The following TTLL5 variants were observed in gnomAD, a reference collection of about 807,000 sequenced individuals.
TTLL5 encodes tubulin polyglutamylase TTLL5.
TTLL5 carries 132 observed loss-of-function variants against 168.4 expected under a neutral mutation model. The ratio of observed to expected loss-of-function variants is 0.78; its 90% CI spans 0.68 to 0.91. The LOEUF is 0.91. TTLL5 is among the 40% of genes least tolerant of loss of function. The probability of loss-of-function intolerance (pLI) is 0.00; values close to 1 mark genes in which losing one functional copy is unlikely to be tolerated. For synonymous variants in TTLL5, 546 were observed against 558.6 expected (o/e 0.98, Z 0.32); for missense variants, 1,545 against 1,581.5 (o/e 0.98, Z 0.39).
At chr14:75,776,508 CATG>C in intron 22 of TTLL5, among the ~76,000 whole-genome samples, 1 of 152,266 alleles carries the variant, frequency 6.6e-6, no homozygotes, top group South Asian at 2.1e-4. Context: ...AAAGTAAAAA[CATG>C]ATTAAAATTT....
chr14:75,928,167 C>G (rs1004439389), intron 31 of TTLL5, among the ~76,000 whole-genome samples: 3 of 151,788 alleles, frequency 2.0e-5, no homozygotes, highest in Non-Finnish European at 4.4e-5. Flanking sequence ...CCACTGACCT[C>G]CTCTGAGATC....
Position 75,917,173 on chromosome 14 carries a change from T to C in TTLL5, c.3823+14949T>C, listed in dbSNP as rs1030156859. ...AACTGTACACTTGAAATTGTTAGGA[T>C]GGTAAAGTTTATGTTACATGTATTT... is the stretch of plus-strand genomic sequence containing the variant. On this transcript the variant is annotated intron_variant, in intron 31 of 31. Coordinates refer to ENST00000298832, the MANE Select transcript of TTLL5 (RefSeq NM_015072.5). 4.6e-5 allele frequency among the ~76,000 whole-genome samples: 7 copies of C among 152,218 alleles called. No individual in the cohort carries two copies. In the East Asian group the frequency reaches 1.3e-3, roughly 29 times the overall value.
intron 3 of TTLL5, among the ~76,000 whole-genome samples, chr14:75,674,752 C>G (rs920392373): frequency 2.0e-5 from 3 of 151,996 alleles, no homozygotes; most frequent in African/African-American, 7.2e-5. Flanking sequence ...TTTGTATATA[C>G]TAGCAATAGA....
intron 30 of TTLL5, among the ~76,000 whole-genome samples, chr14:75,899,847 GC>G (rs1424195973): frequency 1.3e-5 from 2 of 151,976 alleles, no homozygotes; most frequent in Non-Finnish European, 2.9e-5. Context: ...TTGAGTCTAA[GC>G]CCCCAGGGAC....
chr14:75,811,120 T>C (rs1205317081), intron 27 of TTLL5, among the ~76,000 whole-genome samples: 3 of 47,398 alleles, frequency 6.3e-5, no homozygotes, highest in African/African-American at 2.8e-4. Context: ...GAGGGAGAAA[T>C]AGAGGGGGTG....
intron 12 of TTLL5, among the ~76,000 whole-genome samples, chr14:75,732,000 CT>C (rs762598685): frequency 2.6e-3 from 337 of 129,562 alleles, no homozygotes; most frequent in Non-Finnish European, 2.5e-3. Context: ...TTCCCCGCCT[CT>C]TTTTTTTTTT....
At chr14:75,917,572 G>A (rs542260272) in intron 31 of TTLL5, among the ~76,000 whole-genome samples, 4 of 152,322 alleles carry the variant, frequency 2.6e-5, no homozygotes, top group African/African-American at 9.6e-5. Context: ...AGTTTAGGCT[G>A]GCTGTCTCTT....
rs892586302 is a variant in TTLL5 at position 75,779,594 on chromosome 14, G to A, written c.2407G>A (p.Val803Met). 3 of 1,613,612 alleles carry A rather than the reference G, an allele frequency of 1.9e-6. No homozygotes were observed. Among genetic ancestry groups the A allele is most frequent in the Non-Finnish European group, 2.5e-6 (3 of 1,179,784 alleles). Residue 803 changes from valine (V) to methionine (M), a missense_variant, in exon 24 of 32, where the codon GTG becomes ATG. By Grantham distance (21) the Val-to-Met change is conservative. Coordinates refer to ENST00000298832, the MANE Select transcript of TTLL5 (RefSeq NM_015072.5). ...RQASEAELEE[V>M]LTFYTQKNKS... is the part of the protein sequence containing the mutation. ...TTTCAGTGAGGCTGAACTGGAGGAG[G>A]TGTTGACTTTTTATACCCAAAAGAA...
intron 26 of TTLL5, among the ~76,000 whole-genome samples, chr14:75,785,204 C>T (rs566008494): frequency 0.015 from 1,712 of 110,500 alleles, 15 homozygotes; most frequent in Middle Eastern, 0.045. Context: ...TTTTTTGAGA[C>T]GGATTGTTGC....
intron 3 of TTLL5, among the ~76,000 whole-genome samples, chr14:75,681,246 G>T (rs1884588333): frequency 6.6e-6 from 1 of 151,952 alleles, no homozygotes; most frequent in Non-Finnish European, 1.5e-5. Context: ...TTAGTGGCAG[G>T]GTCACAGATA....
chr14:75,704,784 C>T (rs752449931), intron 7 of TTLL5, among the ~76,000 whole-genome samples: 5 of 152,068 alleles, frequency 3.3e-5, no homozygotes, highest in South Asian at 2.1e-4. Context: ...ATTCCCAATG[C>T]GGATAGAAGT....
rs376333555 is a variant in TTLL5 at position 75,853,126 on chromosome 14, T to A, written c.3327-10541T>A. On this transcript the variant is annotated intron_variant, in intron 28 of 31. Transcript: ENST00000298832. ...CTACATTTGACTTTTATTATCAATATATCATCAAGCTTACTTTCAGAGCCA... is the reference window on the plus strand; with the variant it reads ...CTACATTTGACTTTTATTATCAATAAATCATCAAGCTTACTTTCAGAGCCA... Among the ~76,000 whole-genome samples the A allele has an allele frequency of 4.6e-5, 7 of 152,356 alleles. No individual in the cohort carries two copies. The East Asian group carries it at 1.3e-3, about 29-fold the overall frequency.
Position 75,764,698 on chromosome 14 carries a change from A to T in TTLL5, c.1634A>T (p.Lys545Met), listed in dbSNP as rs1464081739. Residue 545 changes from lysine (K) to methionine (M), a missense_variant, in exon 19 of 32, where the codon AAG (lysine) becomes ATG (methionine). Transcript: ENST00000298832. The part of the protein sequence containing the change: ...AKLHAALYER[K>M]LLSLEVRKRR... ...CTGCATGCTGCACTTTACGAGAGGA[A>T]GCTCCTGTCTCTGGAGGTGCGAAAA... is the stretch of plus-strand genomic sequence containing the variant. 10 of 1,614,178 alleles carry T rather than the reference A, an allele frequency of 6.2e-6. No individual in the cohort carries two copies. Among genetic ancestry groups the T allele is most frequent in the Non-Finnish European group, 8.5e-6 (10 of 1,180,012 alleles).
chr14:75,777,568 T>C (rs1346816004), intron 23 of TTLL5, among the ~76,000 whole-genome samples: 1 of 152,184 alleles, frequency 6.6e-6, no homozygotes, highest in African/African-American at 2.4e-5. Flanking sequence ...GGCACTTAAT[T>C]TTAAATCTTG....
intron 28 of TTLL5, among the ~76,000 whole-genome samples, chr14:75,837,796 A>G (rs1015928155): frequency 2.6e-4 from 39 of 152,180 alleles, no homozygotes; most frequent in African/African-American, 9.4e-4. Context: ...AGGCTGAATA[A>G]TATAAAATAT....
intron 30 of TTLL5, chr14:75,886,706 C>T (rs752467492): frequency 6.3e-7 from 1 of 1,598,020 alleles, no homozygotes; most frequent in South Asian, 1.1e-5. Context: ...TTAGTACCCG[C>T]TTCAGATCCT....
At chr14:75,831,778 T>G (rs886961179) in intron 28 of TTLL5, among the ~76,000 whole-genome samples, 6 of 152,198 alleles carry the variant, frequency 3.9e-5, no homozygotes, top group Admixed American at 3.9e-4. Context: ...CATTTTTTCT[T>G]TACTGTGTGT....
intron 7 of TTLL5, among the ~76,000 whole-genome samples, chr14:75,700,593 A>G (rs970272363): frequency 1.3e-5 from 2 of 152,208 alleles, no homozygotes; most frequent in African/African-American, 2.4e-5. Context: ...CCCCGGAAGC[A>G]TGCCAACATA....
chr14:75,702,542 C>A (rs1208300739), intron 7 of TTLL5, among the ~76,000 whole-genome samples: 1 of 152,022 alleles, frequency 6.6e-6, no homozygotes, highest in Non-Finnish European at 1.5e-5. Context: ...CTTTTTTGCC[C>A]TAGTGATTTG....
Sources: allele counts gnomAD v4.1 joint callset (sites outside exome capture counted in the v4.1 genomes callset), GRCh38; gene constraint gnomAD v4.1.1; transcripts MANE v1.5; gene names NCBI Gene and HGNC (gene_info 2026-07-23, HGNC 2026-07-21).